Variants in CACNA1A observed in about 807,000 individuals in gnomAD.
CACNA1A encodes calcium voltage-gated channel subunit alpha1 A, also known as voltage-dependent P/Q-type calcium channel subunit alpha-1A.
Under a neutral mutation model 262.4 loss-of-function variants are expected in CACNA1A, and 57 were observed. The observed-to-expected ratio is 0.22, with a 90% confidence interval of 0.18 to 0.27. The LOEUF (loss-of-function observed/expected upper bound fraction) is 0.27. Among genes scored for constraint, CACNA1A ranks in the 10% least tolerant of loss-of-function variants. The probability of loss-of-function intolerance (pLI) is 1.00; values close to 1 mark genes in which losing one functional copy is unlikely to be tolerated. For synonymous variants in CACNA1A, 1,431 were observed against 1,419.3 expected (o/e 1.01, Z -0.18); for missense variants, 2,526 against 3,562.8 (o/e 0.71, Z 7.41).
At chr19:13,445,077 T>C (rs7253944) in intron 3 of CACNA1A, among the ~76,000 whole-genome samples, 1,590 of 150,654 alleles carry the variant, frequency 0.011, 25 homozygotes, top group African/African-American at 0.036. Context: ...GAGGCGGAGG[T>C]TGCAGTGAGC....
intron 37 of CACNA1A, chr19:13,227,010 T>C (rs1380112697): frequency 6.5e-6 from 1 of 152,950 alleles, no homozygotes; most frequent in Non-Finnish European, 1.5e-5. Context: ...CTAAAGCCCC[T>C]CTCTGCAAGG....
At position 13,407,698 on chromosome 19, in the gene CACNA1A, G is replaced by T. The variant is rs1270452767; in HGVS notation, c.540-35919C>A. On this transcript the variant is annotated intron_variant, in intron 3 of 46. Coordinates refer to ENST00000360228, the MANE Select transcript of CACNA1A (RefSeq NM_001127222.2). The stretch of plus-strand genomic sequence containing the variant: ...TTATGCTGCAACAATGCTTCTCTTT[G>T]CTGTAACAATGCTTAATAAATATGG... Among the ~76,000 whole-genome samples the T allele has an allele frequency of 5.3e-5, 8 of 152,236 alleles. No homozygotes were observed. The South Asian group carries it at 1.2e-3, about 24-fold the overall frequency.
chr19:13,240,509 CAT>C (rs1470882824), intron 31 of CACNA1A, among the ~76,000 whole-genome samples: 3 of 147,432 alleles, frequency 2.0e-5, no homozygotes, highest in East Asian at 2.0e-4. Context: ...AGTGTGTGTA[CAT>C]AGTGACTGTG....
In CACNA1A at chr19:13,261,511, G is replaced by A. The variant is rs766816378; in HGVS notation, c.4189C>T (p.Leu1397Phe). 1 of 1,595,702 alleles carries A rather than the reference G, an allele frequency of 6.3e-7. No homozygotes were observed. Among genetic ancestry groups the A allele is most frequent in the Non-Finnish European group, 8.5e-7 (1 of 1,171,190 alleles). ...CAGTGGAAGAATTTCCCCTTGAAGA[G>A]CTGCACAGCCACCACGGCGAAGATG... is the stretch of plus-strand genomic sequence containing the variant. The part of the protein sequence containing the change: ...MFIFAVVAVQ[L>F]FKGKFFHCTD... The change falls in exon 26 of 47, where the codon CTC (leucine) becomes TTC (phenylalanine). Residue 1397 changes from leucine to phenylalanine, a missense_variant. By Grantham distance (22) the Leu-to-Phe change is conservative (BLOSUM62 0). This residue lies in a region of CACNA1A where 137 missense variants were observed against 377.7 expected (regional missense o/e 0.36). Transcript: ENST00000360228.
intron 6 of CACNA1A, among the ~76,000 whole-genome samples, chr19:13,348,385 A>AAG (rs374705400): frequency 2.6e-5 from 4 of 151,218 alleles, no homozygotes; most frequent in African/African-American, 7.3e-5. Context: ...AAAGAGAAGG[A>AAG]AGAGAGAGAG....
intron 1 of CACNA1A, among the ~76,000 whole-genome samples, chr19:13,466,777 T>C (rs559572178): frequency 3.2e-4 from 49 of 152,274 alleles, no homozygotes; most frequent in African/African-American, 1.1e-3. Context: ...AATTCCGTGA[T>C]GTGAAATTGC....
intron 3 of CACNA1A, among the ~76,000 whole-genome samples, chr19:13,401,671 C>T (rs2059902778): frequency 6.6e-6 from 1 of 152,116 alleles, no homozygotes; most frequent in South Asian, 2.1e-4. Context: ...TCCACTTTCC[C>T]TTTTCCCCAG....
intron 26 of CACNA1A, 128 bp from the exon 27 acceptor site, chr19:13,259,829 TGA>T: frequency 1.1e-6 from 1 of 905,628 alleles, no homozygotes; most frequent in Non-Finnish European, 1.7e-6. Context: ...TGGGAAGCAG[TGA>T]CTCCCCATCC....
chr19:13,418,463 T>A (rs1292320910), intron 3 of CACNA1A, among the ~76,000 whole-genome samples: 1 of 152,038 alleles, frequency 6.6e-6, no homozygotes, highest in South Asian at 2.1e-4. Flanking sequence ...TTAGAAAAAA[T>A]AAGGTATGCA....
intron 1 of CACNA1A, among the ~76,000 whole-genome samples, chr19:13,499,963 A>G (rs1392415796): frequency 6.6e-6 from 1 of 152,038 alleles, no homozygotes; most frequent in Non-Finnish European, 1.5e-5. Context: ...GGGGGGAAAC[A>G]GGGAGGGGGA....
Position 13,469,250 on chromosome 19 carries a change from C to T in CACNA1A, c.294-14038G>A, listed in dbSNP as rs529470675. On this transcript the variant is annotated intron_variant, in intron 1 of 46. Coordinates refer to ENST00000360228, the MANE Select transcript of CACNA1A (RefSeq NM_001127222.2). ...CAGAAGCTGGGAGCTAAGACTCCGACGGAACCTGTTAACATTTGATGACCT... is the reference window on the plus strand; with the variant it reads ...CAGAAGCTGGGAGCTAAGACTCCGATGGAACCTGTTAACATTTGATGACCT... Among the ~76,000 whole-genome samples the T allele has an allele frequency of 3.6e-4, 55 of 152,302 alleles. 1 individual carries two copies. In the South Asian group the frequency reaches 5.8e-3, roughly 16 times the overall value.
rs185494517 is a variant in CACNA1A, at chr19:13,454,520, A to G, written c.399+587T>C. Among the ~76,000 whole-genome samples, 1,041 of 151,934 alleles carry G rather than the reference A, an allele frequency of 6.9e-3. 4 individuals are homozygous for G. Among genetic ancestry groups the G allele is most frequent in the Middle Eastern group, 0.024 (7 of 294 alleles). ...CAAGTAGCTGGGATTACAGGTGTGCACCACCATATCCAGCTAATTTTGTAT... is the reference window on the plus strand; with the variant it reads ...CAAGTAGCTGGGATTACAGGTGTGCGCCACCATATCCAGCTAATTTTGTAT... On this transcript the variant is annotated intron_variant, in intron 2 of 46. Coordinates refer to ENST00000360228, the MANE Select transcript of CACNA1A (RefSeq NM_001127222.2).
chr19:13,280,745 A>G (rs1377409829), intron 22 of CACNA1A, among the ~76,000 whole-genome samples: 1 of 152,036 alleles, frequency 6.6e-6, no homozygotes, highest in Non-Finnish European at 1.5e-5. Flanking sequence ...GTTTGAGACC[A>G]GTCTGGCTGA....
intron 12 of CACNA1A, among the ~76,000 whole-genome samples, chr19:13,310,953 G>T (rs1483103354): frequency 6.6e-6 from 1 of 152,006 alleles, no homozygotes; most frequent in African/African-American, 2.4e-5. Flanking sequence ...ACGACGCCTG[G>T]CTAATTTTTG....
intron 1 of CACNA1A, among the ~76,000 whole-genome samples, chr19:13,468,434 G>A (rs1004940081): frequency 2.0e-5 from 3 of 152,116 alleles, no homozygotes; most frequent in African/African-American, 7.2e-5. Context: ...TCAGTGGTCA[G>A]TAAAATCCTC....
chr19:13,344,740 ATTTATTT>A (rs2058733110), intron 6 of CACNA1A, among the ~76,000 whole-genome samples: 1 of 8,768 alleles, frequency 1.1e-4, no homozygotes, highest in Admixed American at 1.6e-3. Context: ...CATTTATTTT[ATTTATTT>A]ATTTATTTAT....
At chr19:13,462,312 G>A (rs115685597) in intron 1 of CACNA1A, among the ~76,000 whole-genome samples, 74 of 152,286 alleles carry the variant, frequency 4.9e-4, no homozygotes, top group African/African-American at 1.5e-3. Context: ...ACTTGTAGCA[G>A]TTAGCCAGGT....
chr19:13,331,819 C>T (rs1382953653), intron 9 of CACNA1A, among the ~76,000 whole-genome samples: 2 of 133,132 alleles, frequency 1.5e-5, no homozygotes, highest in African/African-American at 6.0e-5. Context: ...TGTGCCCCCA[C>T]ATCTGGCTAA....
chr19:13,213,016 A>G (rs549176555), intron 40 of CACNA1A, among the ~76,000 whole-genome samples: 1 of 152,186 alleles, frequency 6.6e-6, no homozygotes, highest in East Asian at 1.9e-4. Context: ...ACTGTTCCAC[A>G]AGAGCCACCA....
Sources: gnomAD v4.1 joint callset for allele counts (sites outside exome capture counted in the v4.1 genomes callset) on GRCh38, gnomAD v4.1.1 for gene constraint, gnomAD v4.1.1 regional missense constraint, MANE v1.5 for transcripts, NCBI Gene and HGNC (gene_info 2026-07-23, HGNC 2026-07-21) for gene names.